Variants in PLA2R1 observed in about 807,000 individuals in gnomAD.
PLA2R1 encodes the protein secretory phospholipase A2 receptor.
Under a neutral mutation model 195.9 loss-of-function variants are expected in PLA2R1, and 158 were observed. The ratio of observed to expected loss-of-function variants is 0.81; its 90% CI spans 0.71 to 0.92. The LOEUF (loss-of-function observed/expected upper bound fraction) is 0.92, where lower values mean the gene tolerates loss of function less well. Among genes scored for constraint, PLA2R1 ranks in the 40% least tolerant of loss-of-function variants. The pLI, the probability that PLA2R1 is intolerant of heterozygous loss-of-function variation, is 0.00. For synonymous variants in PLA2R1, 586 were observed against 598.2 expected, an observed-to-expected ratio of 0.98 and a Z score of 0.30; for missense variants, 1,626 against 1,764.6, an observed-to-expected ratio of 0.92 and a Z score of 1.41.
chr2:160,053,819 G>A (rs932288159), intron 1 of PLA2R1, among the ~76,000 whole-genome samples: 17 of 152,230 alleles, frequency 1.1e-4, no homozygotes, highest in African/African-American at 4.1e-4. Flanking sequence ...ATTGAACAGA[G>A]GCTCCAAACC....
chr2:160,039,554 G>A (rs1694392473), intron 3 of PLA2R1, among the ~76,000 whole-genome samples: 1 of 151,982 alleles, frequency 6.6e-6, no homozygotes, highest in Non-Finnish European at 1.5e-5. Context: ...AGATACAGCA[G>A]TACAGACCTT....
At chr2:160,025,662 C>T (rs780673601) in intron 6 of PLA2R1, among the ~76,000 whole-genome samples, 3 of 142,036 alleles carry the variant, frequency 2.1e-5, no homozygotes, top group Non-Finnish European at 3.0e-5. Flanking sequence ...TTTAGCACCA[C>T]ACACACACAC....
intron 3 of PLA2R1, among the ~76,000 whole-genome samples, chr2:160,037,642 T>C (rs982784317): frequency 6.6e-6 from 1 of 152,212 alleles, no homozygotes; most frequent in Non-Finnish European, 1.5e-5. Context: ...ATATACCCTC[T>C]TTATTGCCTG....
chr2:159,999,879 C>G (rs893706885), intron 11 of PLA2R1, among the ~76,000 whole-genome samples: 1 of 152,156 alleles, frequency 6.6e-6, no homozygotes, highest in Admixed American at 6.5e-5. Context: ...TGAGAAATAA[C>G]CAGCAGATTA....
rs1218492040 is a variant in PLA2R1 at position 159,934,165 on chromosome 2, C to T, written c.*7613G>A. The T allele has an allele frequency of 6.6e-6, 1 of 152,188 alleles. No homozygotes were observed. Among genetic ancestry groups the T allele is most frequent in the Admixed American group, 6.5e-5 (1 of 15,282 alleles). 9.4% of individuals were successfully genotyped at this position (152,188 alleles called of 1,614,324 possible). ...TGTACATGCCATTTTGGAAATGTCT[C>T]CAAATTTTTCTTCTCCAAGAACAAA... On this transcript the variant is annotated 3_prime_UTR_variant, in exon 30 of 30. Transcript: ENST00000283243.
chr2:160,042,817 GTGTGTGTGTGT>G, intron 2 of PLA2R1, among the ~76,000 whole-genome samples: 1 of 90,574 alleles, frequency 1.1e-5, no homozygotes, highest in Non-Finnish European at 2.9e-5. Context: ...GTGTGTGTGT[GTGTGTGTGTGT>G]GTGTGTGTGT....
rs932327491 is a variant in PLA2R1, at chr2:159,934,085, C to G, written c.*7693G>C. On this transcript the variant is annotated 3_prime_UTR_variant, in exon 30 of 30. Transcript: ENST00000283243. ...GGGAATAAATATTCCAAGCATGTAT[C>G]TTGATAATCACTACAGTCAAAGTTT... The G allele has an allele frequency of 6.6e-6, 1 of 152,158 alleles. No individual in the cohort carries two copies. Among genetic ancestry groups the G allele is most frequent in the African/African-American group, 2.4e-5 (1 of 41,420 alleles). The allele number at this position is 152,158 out of a possible 1,614,324, so 9.4% of individuals were successfully genotyped here.
rs1177839847 is a variant in PLA2R1 at position 159,987,257 on chromosome 2, G to A, written c.1936C>T (p.Pro646Ser). Residue 646 changes from proline (P) to serine (S), a missense_variant, in exon 12 of 30, where the codon CCA (proline) becomes TCA (serine). Pro to Ser is a moderately conservative substitution (Grantham distance 74). Coordinates refer to ENST00000283243, the MANE Select transcript of PLA2R1 (RefSeq NM_007366.5). Reference sequence around the variant, plus strand: ...TCTGCTTTTTCCTGATTTTCAACTGGCTGCTTGCACAAGGACATTGCCTTA... The same window carrying A: ...TCTGCTTTTTCCTGATTTTCAACTGACTGCTTGCACAAGGACATTGCCTTA... ...HFKAMSLCKQ[P>S]VENQEKAEYE... is the part of the protein sequence containing the mutation. The A allele has an allele frequency of 4.3e-6, 7 of 1,613,342 alleles. No individual in the cohort carries two copies. The highest frequency in any genetic ancestry group is 5.9e-6 in the Non-Finnish European group (7 of 1,179,780).
At chr2:160,045,489 T>C (rs1376923844) in intron 1 of PLA2R1, among the ~76,000 whole-genome samples, 1 of 152,136 alleles carries the variant, frequency 6.6e-6, no homozygotes, top group Non-Finnish European at 1.5e-5. Context: ...AGAGAGGGAT[T>C]GGTAATAATA....
chr2:160,007,796 G>A (rs1692101713), intron 10 of PLA2R1, among the ~76,000 whole-genome samples: 1 of 152,144 alleles, frequency 6.6e-6, no homozygotes, highest in Non-Finnish European at 1.5e-5. Flanking sequence ...ACTTAATATT[G>A]TTAAGATGCT....
intron 17 of PLA2R1, among the ~76,000 whole-genome samples, chr2:159,970,536 G>C (rs929280593): frequency 6.6e-6 from 1 of 152,032 alleles, no homozygotes; most frequent in East Asian, 1.9e-4. Flanking sequence ...AAAATTATTG[G>C]CTCATCCTCT....
At chr2:159,963,830 A>G (rs1688607609) in intron 20 of PLA2R1, among the ~76,000 whole-genome samples, 1 of 152,200 alleles carries the variant, frequency 6.6e-6, no homozygotes, top group Non-Finnish European at 1.5e-5. Context: ...TTCCTCAAAA[A>G]GCTAACTACT....
At chr2:159,929,720 A>G (rs1044955400), downstream of PLA2R1, among the ~76,000 whole-genome samples, 21 of 152,324 alleles carry the variant, frequency 1.4e-4, no homozygotes, top group African/African-American at 4.8e-4. Context: ...ATAGCAGCAC[A>G]ATTCGCAATT....
At chr2:159,993,439 A>G (rs1292192588) in intron 11 of PLA2R1, among the ~76,000 whole-genome samples, 1 of 126,984 alleles carries the variant, frequency 7.9e-6, no homozygotes, top group African/African-American at 3.1e-5. Context: ...TTTGAACTCA[A>G]AAAGTGTTTA....
the PLA2R1 span, among the ~76,000 whole-genome samples, chr2:159,924,731 G>A: frequency 1.8e-4 from 11 of 59,958 alleles, no homozygotes; most frequent in Admixed American, 2.6e-3. Flanking sequence ...CTGGGGGCTG[G>A]GGGGGGGGCG....
chr2:159,965,845 G>A (rs1415287995), intron 20 of PLA2R1, among the ~76,000 whole-genome samples: 1 of 152,140 alleles, frequency 6.6e-6, no homozygotes, highest in Non-Finnish European at 1.5e-5. Flanking sequence ...TCTAGTAGCT[G>A]TGCAGTGGCA....
rs185988260 is a variant in PLA2R1 at position 160,011,753 on chromosome 2, C to A, written c.1664+1510G>T. Among the ~76,000 whole-genome samples, 363 of 152,266 alleles carry A rather than the reference C, an allele frequency of 2.4e-3. 1 individual carries two copies. Among genetic ancestry groups the A allele is most frequent in the African/African-American group, 8.0e-3 (332 of 41,552 alleles). ...CTTCCAACCCAAGGTGTTCTTGGAA[C>A]CTTTTGGGTGAGTTAACAAATTGAT... On this transcript the variant is annotated intron_variant, in intron 10 of 29. Coordinates refer to ENST00000283243, the MANE Select transcript of PLA2R1 (RefSeq NM_007366.5).
chr2:160,006,798 C>CTT (rs1248264794), intron 10 of PLA2R1, among the ~76,000 whole-genome samples: 3 of 152,186 alleles, frequency 2.0e-5, no homozygotes, highest in African/African-American at 7.2e-5. Flanking sequence ...CAAATTAGAT[C>CTT]TTTTCATTCA....
chr2:159,984,855 G>A (rs1690214300), intron 12 of PLA2R1, among the ~76,000 whole-genome samples: 1 of 152,186 alleles, frequency 6.6e-6, no homozygotes, highest in Non-Finnish European at 1.5e-5. Flanking sequence ...ATGCCAGACA[G>A]GTACACCCTG....
Sources: gnomAD v4.1 joint callset for allele counts (sites outside exome capture counted in the v4.1 genomes callset) on GRCh38, gnomAD v4.1.1 for gene constraint, MANE v1.5 for transcripts, NCBI Gene and HGNC (gene_info 2026-07-23, HGNC 2026-07-21) for gene names.